Variants in MVK observed in about 807,000 individuals in gnomAD.
MVK encodes the protein mevalonate kinase.
Under a neutral mutation model 43.2 loss-of-function variants are expected in MVK, and 34 were observed. The observed-to-expected ratio is 0.79, with a 90% CI of 0.60 to 1.05. The LOEUF (loss-of-function observed/expected upper bound fraction) is 1.05. Ranked by LOEUF, MVK falls within the 50% of genes least tolerant of loss-of-function variation. The pLI, the probability that MVK is intolerant of heterozygous loss-of-function variation, is 0.00. For synonymous variants in MVK, 190 were observed against 219.8 expected (o/e 0.86, Z 1.20); for missense variants, 395 against 504.0 (o/e 0.78, Z 2.07).
At chr12:109,593,146 G>T (rs1233926782) in intron 9 of MVK, among the ~76,000 whole-genome samples, 1 of 152,206 alleles carries the variant, frequency 6.6e-6, no homozygotes, top group African/African-American at 2.4e-5. Context: ...AACCTGCCTC[G>T]GCAACGTGAC....
intron 4 of MVK, 35 bp from the exon 5 acceptor site, chr12:109,581,360 G>A (rs779496153): frequency 1.9e-6 from 3 of 1,612,370 alleles, no homozygotes; most frequent in Non-Finnish European, 2.5e-6. Flanking sequence ...ACTGCCCTGC[G>A]GGAGAGTCAC....
intron 9 of MVK, among the ~76,000 whole-genome samples, chr12:109,593,103 C>G (rs1015474349): frequency 6.6e-6 from 1 of 152,242 alleles, no homozygotes; most frequent in South Asian, 2.1e-4. Flanking sequence ...TGATCCTTGA[C>G]AGATTTTGGA....
chr12:109,580,162 G>A (rs1228687919), intron 4 of MVK, among the ~76,000 whole-genome samples: 1 of 152,164 alleles, frequency 6.6e-6, no homozygotes, highest in Admixed American at 6.5e-5. Context: ...GAACGCAGTG[G>A]TATGATCTCA....
At chr12:109,576,407 C>T (rs1002542635) in intron 3 of MVK, among the ~76,000 whole-genome samples, 9 of 151,606 alleles carry the variant, frequency 5.9e-5, no homozygotes, top group African/African-American at 1.5e-4. Context: ...AGCAAACATA[C>T]GTATTTAAGT....
rs560106628 is a variant in MVK, at chr12:109,582,558, T to G, written c.527+1008T>G. Among the ~76,000 whole-genome samples, 82 of 152,048 alleles carry G rather than the reference T, an allele frequency of 5.4e-4. 1 individual carries two copies. The highest frequency in any genetic ancestry group is 9.0e-4 in the Non-Finnish European group (61 of 67,998). The stretch of plus-strand genomic sequence containing the variant: ...TCTAACCATTTCTCCCACCTTCCCC[T>G]GAAGGCCAGTCATTCCTTCTCAGAA... On this transcript the variant is annotated intron_variant, in intron 5 of 10. Transcript: ENST00000228510.
rs2136245024 is a variant in MVK, at chr12:109,590,826, G to T, written c.733G>T (p.Ala245Ser). The stretch of plus-strand genomic sequence containing the variant: ...CACCAAAGTCCCTCGCAATACCAGG[G>T]CCCTTGTGGCTGGCGTCAGAAACAG... ...TNTKVPRNTR[A>S]LVAGVRNRLL... Residue 245 changes from alanine (A) to serine (S), a missense_variant, in exon 8 of 11, where the codon GCC becomes TCC. By Grantham distance (99) the Ala-to-Ser change is moderately conservative (BLOSUM62 1). Transcript: ENST00000228510. 6.2e-7 allele frequency: 1 copy of T among 1,614,218 alleles called. No homozygotes were observed. The highest frequency in any genetic ancestry group is 8.5e-7 in the Non-Finnish European group (1 of 1,180,044).
rs1885985068 is a variant in MVK at position 109,597,880 on chromosome 12, G to C, written c.*1303G>C. 6.6e-6 allele frequency: 1 copy of C among 152,200 alleles called. No homozygotes were observed. The highest frequency in any genetic ancestry group is 6.5e-5 in the Admixed American group (1 of 15,288). 9.4% of individuals were successfully genotyped at this position (152,200 alleles called of 1,614,324 possible). ...GTGCGCGTCTGCCCTTGGCCACTAG[G>C]GGGCAGCTGGCGGCCTTCCCTGCTG... On this transcript the variant is annotated 3_prime_UTR_variant, in exon 11 of 11. Transcript: ENST00000228510.
At chr12:109,573,550 A>T (rs979170778), upstream of MVK, 1 of 1,530,232 alleles carries the variant, frequency 6.5e-7, no homozygotes, top group Non-Finnish European at 8.8e-7. Flanking sequence ...CTCCACCCAC[A>T]GCTGGCCGCG....
chr12:109,597,938 C>T lies in MVK; in HGVS notation c.*1361C>T, dbSNP rs1343994926. 6.6e-6 allele frequency: 1 copy of T among 152,158 alleles called. No individual in the cohort carries two copies. Among genetic ancestry groups the T allele is most frequent in the African/African-American group, 2.4e-5 (1 of 41,420 alleles). The allele number at this position is 152,158 out of a possible 1,614,324, so 9.4% of individuals were successfully genotyped here. On this transcript the variant is annotated 3_prime_UTR_variant, in exon 11 of 11. Coordinates refer to ENST00000228510, the MANE Select transcript of MVK (RefSeq NM_000431.4). ...CCTGCAGGGTGAGAGGAGCAGGAGC[C>T]GAGCTCCACCCCCACGCCAGCCTTG...
chr12:109,586,743 T>C lies in MVK; in HGVS notation c.632-11T>C, dbSNP rs1163517401. ...TTCCCACAGCTCTGACCCACTGGTTTTTCTCTTTAGGAGGAGCCCTCCGAT... is the reference window on the plus strand; with the variant it reads ...TTCCCACAGCTCTGACCCACTGGTTCTTCTCTTTAGGAGGAGCCCTCCGAT... On this transcript the variant is annotated splice_polypyrimidine_tract_variant and intron_variant, in intron 6 of 10. Coordinates refer to ENST00000228510, the MANE Select transcript of MVK (RefSeq NM_000431.4). 1 of 1,614,144 alleles carries C rather than the reference T, an allele frequency of 6.2e-7. No homozygotes were observed. The highest frequency in any genetic ancestry group is 1.7e-5 in the Admixed American group (1 of 60,028).
rs1470759465 is a variant in MVK at position 109,596,500 on chromosome 12, A to T, written c.1114A>T (p.Ile372Phe). 6.2e-7 allele frequency: 1 copy of T among 1,613,444 alleles called. No homozygotes were observed. The highest frequency in any genetic ancestry group is 8.5e-7 in the Non-Finnish European group (1 of 1,179,932). ...SCGFDCLETSIGAPGVSIHSA... is the reference protein window; with the variant it reads ...SCGFDCLETSFGAPGVSIHSA... ...TGGCTTTGACTGCTTGGAAACCAGC[A>T]TCGGTGCCCCCGGCGTCTCCATCCA... Residue 372 changes from isoleucine to phenylalanine, a missense_variant, in exon 11 of 11, where the codon ATC becomes TTC. By Grantham distance (21) the Ile-to-Phe change is conservative. Transcript: ENST00000228510.
chr12:109,586,659 C>A, intron 6 of MVK, 95 bp from the exon 7 acceptor site: 1 of 1,411,478 alleles, frequency 7.1e-7, no homozygotes. Context: ...CTGAATGGGG[C>A]AAAATGAACC....
chr12:109,593,084 C>T (rs559055720), intron 9 of MVK, among the ~76,000 whole-genome samples: 2 of 152,248 alleles, frequency 1.3e-5, no homozygotes, highest in Non-Finnish European at 2.9e-5. Flanking sequence ...TGTGTCACAA[C>T]CTGTCATCTG....
upstream of MVK, chr12:109,573,510 C>T (rs991767550): frequency 3.2e-6 from 5 of 1,581,408 alleles, no homozygotes; most frequent in African/African-American, 6.7e-5. Context: ...GACCTGACCC[C>T]GCCAGGTTCC....
intron 4 of MVK, among the ~76,000 whole-genome samples, chr12:109,580,864 C>G (rs949061479): frequency 2.0e-5 from 3 of 151,986 alleles, no homozygotes; most frequent in Admixed American, 6.6e-5. Context: ...GGTGAACACA[C>G]AATCCTAGTG....
intron 9 of MVK, among the ~76,000 whole-genome samples, chr12:109,591,850 T>C (rs1316298665): frequency 6.6e-6 from 1 of 152,238 alleles, no homozygotes; most frequent in Non-Finnish European, 1.5e-5. Context: ...TGCATAATTC[T>C]AGTGTAGAGG....
intron 4 of MVK, among the ~76,000 whole-genome samples, chr12:109,580,830 G>A (rs907463950): frequency 6.6e-6 from 1 of 152,334 alleles, no homozygotes; most frequent in Admixed American, 6.5e-5. Flanking sequence ...TGGTTGGGGA[G>A]CACCGTCTGG....
At chr12:109,573,963 T>TA (rs1161608034) in intron 1 of MVK, 90 bp downstream of exon 1, 1 of 158,868 alleles carries the variant, frequency 6.3e-6, no homozygotes, top group Non-Finnish European at 1.4e-5. Context: ...TGGCTCAGTT[T>TA]ACCCAGCTCT....
chr12:109,580,007 T>G (rs1885144307), intron 4 of MVK, 61 bp downstream of exon 4: 1 of 1,607,524 alleles, frequency 6.2e-7, no homozygotes, highest in Non-Finnish European at 8.5e-7. Context: ...AAAGGAAGAG[T>G]TTCTGTCATT....
Sources: gnomAD v4.1 joint callset for allele counts (sites outside exome capture counted in the v4.1 genomes callset) on GRCh38, gnomAD v4.1.1 for gene constraint, MANE v1.5 for transcripts, NCBI Gene and HGNC (gene_info 2026-07-23, HGNC 2026-07-21) for gene names.